Variants in KIF11 observed in about 807,000 individuals in gnomAD.
The protein encoded by KIF11 is kinesin-like protein KIF11.
Under a neutral mutation model 121.0 loss-of-function variants are expected in KIF11, and 9 were observed. The observed-to-expected ratio is 0.07, with a 90% CI of 0.04 to 0.13. KIF11 has a LOEUF of 0.13. Ranked by LOEUF, KIF11 falls within the 10% of genes least tolerant of loss-of-function variation. The pLI, the probability that KIF11 is intolerant of heterozygous loss-of-function variation, is 1.00. For missense variants in KIF11, 846 were observed against 1,217.5 expected (o/e 0.69, Z 4.54); for synonymous variants, 408 against 421.0 (o/e 0.97, Z 0.38).
intron 20 of KIF11, among the ~76,000 whole-genome samples, chr10:92,650,198 T>A (rs1844966042): frequency 6.6e-6 from 1 of 152,248 alleles, no homozygotes; most frequent in Non-Finnish European, 1.5e-5. Flanking sequence ...TTGTGCTTAG[T>A]AACATTGTTA....
chr10:92,632,928 G>C (rs1017539073), intron 13 of KIF11, among the ~76,000 whole-genome samples: 1 of 146,192 alleles, frequency 6.8e-6, no homozygotes, highest in African/African-American at 2.5e-5. Flanking sequence ...AAGTAACTAA[G>C]TATATAAACG....
At chr10:92,621,794 G>C (rs779715483) in intron 10 of KIF11, among the ~76,000 whole-genome samples, 7 of 152,036 alleles carry the variant, frequency 4.6e-5, no homozygotes, top group Non-Finnish European at 8.8e-5. Context: ...GTAGAGACAG[G>C]GTTTCACCAT....
At position 92,593,338 on chromosome 10, in the gene KIF11, G is replaced by A; in HGVS notation, c.-38G>A. On this transcript the variant is annotated 5_prime_UTR_variant, in exon 1 of 22. Coordinates refer to ENST00000260731, the MANE Select transcript of KIF11 (RefSeq NM_004523.4). ...CCCCTCCGCCCCTCACAGCGCCCAG[G>A]TCCGCGGCCGGGCCTTGATTTTTTG... 6.3e-7 allele frequency: 1 copy of A among 1,581,778 alleles called. No individual in the cohort carries two copies.
rs1163769827 is a variant in KIF11, at chr10:92,613,888, A to T, written c.1032+269A>T. Among the ~76,000 whole-genome samples, 1 of 151,630 alleles carries T rather than the reference A, an allele frequency of 6.6e-6. No homozygotes were observed. Among genetic ancestry groups the T allele is most frequent in the Non-Finnish European group, 1.5e-5 (1 of 67,968 alleles). On this transcript the variant is annotated intron_variant, in intron 8 of 21. Transcript: ENST00000260731. The surrounding 1 kb of genome is among the most constrained non-coding windows in gnomAD (Gnocchi z 4.2). Reference sequence around the variant, plus strand: ...CTACTTGGGGGGCTGAGGTGGGAGGATCACTTAAGCCTGGGAGGCAGAAGT... The same window carrying T: ...CTACTTGGGGGGCTGAGGTGGGAGGTTCACTTAAGCCTGGGAGGCAGAAGT...
chr10:92,599,769 C>T (rs1844345810), intron 1 of KIF11, among the ~76,000 whole-genome samples: 1 of 147,148 alleles, frequency 6.8e-6, no homozygotes, highest in African/African-American at 2.5e-5. Flanking sequence ...TCTCCTGCCT[C>T]AGCCTCCCGA....
intron 9 of KIF11, among the ~76,000 whole-genome samples, chr10:92,619,007 C>G (rs1844591035): frequency 1.3e-5 from 2 of 151,130 alleles, no homozygotes; most frequent in Admixed American, 1.3e-4. Flanking sequence ...TTGAGATTGC[C>G]TTATTTATTT....
Position 92,633,804 on chromosome 10 carries a change from A to T in KIF11, c.1875+9A>T, listed in dbSNP as rs1377638074. The T allele has an allele frequency of 6.6e-7, 1 of 1,522,256 alleles. No homozygotes were observed. The highest frequency in any genetic ancestry group is 2.0e-5 in the Admixed American group (1 of 50,036). The allele number at this position is 1,522,256 out of a possible 1,614,324, so 94.3% of individuals were successfully genotyped here. On this transcript the variant is annotated intron_variant, in intron 14 of 21. Coordinates refer to ENST00000260731, the MANE Select transcript of KIF11 (RefSeq NM_004523.4). ...TACTACAGGAATTGATTGTTAGTAC[A>T]TCCTTTAAAATATTTTTGAAGGGTT...
intron 8 of KIF11, among the ~76,000 whole-genome samples, chr10:92,615,232 C>T (rs1236975804): frequency 6.6e-6 from 1 of 151,952 alleles, no homozygotes; most frequent in African/African-American, 2.4e-5. Context: ...GGTGAAACCC[C>T]ATCTCTACTA....
rs143492319 is a variant in KIF11 at position 92,615,141 on chromosome 10, C to T, written c.1032+1522C>T. 8.6e-3 allele frequency among the ~76,000 whole-genome samples: 1,313 copies of T among 152,144 alleles called. 19 individuals are homozygous for T. Among genetic ancestry groups the T allele is most frequent in the African/African-American group, 0.03 (1,248 of 41,520 alleles). ...TTTTTAGGCCAGGCACGGTGGCTTA[C>T]GCCTGTAATCCCAGCACTTTGGGAG... On this transcript the variant is annotated intron_variant, in intron 8 of 21. Coordinates refer to ENST00000260731, the MANE Select transcript of KIF11 (RefSeq NM_004523.4).
chr10:92,621,626 A>G (rs1844618733), intron 10 of KIF11, among the ~76,000 whole-genome samples, 153 bp downstream of exon 10: 1 of 122,674 alleles, frequency 8.2e-6, no homozygotes, highest in Non-Finnish European at 1.6e-5. Flanking sequence ...TTTTGAGACA[A>G]GGTCTCGCAC....
intron 14 of KIF11, among the ~76,000 whole-genome samples, chr10:92,634,008 G>C (rs1844766858): frequency 6.6e-6 from 1 of 152,084 alleles, no homozygotes; most frequent in South Asian, 2.1e-4. Flanking sequence ...TTTGTTTTGA[G>C]ATGGAGTCTC....
chr10:92,647,600 T>C lies in KIF11; in HGVS notation c.2548-612T>C, dbSNP rs117034411. 5.3e-5 allele frequency among the ~76,000 whole-genome samples: 8 copies of C among 152,298 alleles called. No individual in the cohort carries two copies. The East Asian group carries it at 1.2e-3, about 22-fold the overall frequency. ...GTGTTAACCTTTTTAGATGTGATAG[T>C]GGTCTTAAAGTGCTCTTACCTCTTA... is the stretch of plus-strand genomic sequence containing the variant. On this transcript the variant is annotated intron_variant, in intron 18 of 21. Coordinates refer to ENST00000260731, the MANE Select transcript of KIF11 (RefSeq NM_004523.4).
intron 11 of KIF11, among the ~76,000 whole-genome samples, chr10:92,629,796 T>C (rs1844716634): frequency 6.6e-6 from 1 of 152,076 alleles, no homozygotes; most frequent in African/African-American, 2.4e-5. Context: ...TATTTTTTTG[T>C]AGAGATGGAG....
intron 10 of KIF11, among the ~76,000 whole-genome samples, chr10:92,628,499 G>A (rs1844702068): frequency 6.6e-6 from 1 of 152,158 alleles, no homozygotes; most frequent in Non-Finnish European, 1.5e-5. Flanking sequence ...TCCGTCCTCT[G>A]TTAGCTTTCT....
intron 17 of KIF11, among the ~76,000 whole-genome samples, chr10:92,641,165 A>G (rs553882286): frequency 1.3e-5 from 2 of 152,306 alleles, no homozygotes; most frequent in East Asian, 1.9e-4. Context: ...ATGGTTTAAC[A>G]TTTATATTCA....
At chr10:92,616,950 A>G in intron 9 of KIF11, 118 bp downstream of exon 9, 1 of 568,328 alleles carries the variant, frequency 1.8e-6, no homozygotes, top group East Asian at 3.0e-5. Context: ...AAGGCTTTTT[A>G]TATAGTGATT....
chr10:92,640,517 C>T lies in KIF11; in HGVS notation c.2267+617C>T, dbSNP rs148923972. Among the ~76,000 whole-genome samples the T allele has an allele frequency of 3.4e-3, 512 of 152,236 alleles. 3 individuals are homozygous for T. The highest frequency in any genetic ancestry group is 0.011 in the African/African-American group (470 of 41,532). ...AGTGATCTCAGCTCACTGCAAGCTC[C>T]GCCTTCCAGGCTCACGCCATTCTCC... On this transcript the variant is annotated intron_variant, in intron 17 of 21. Transcript: ENST00000260731.
Position 92,648,290 on chromosome 10 carries a change from C to G in KIF11, c.2626C>G (p.Gln876Glu), listed in dbSNP as rs532957561. The part of the protein sequence containing the change: ...SDGRKAAHEK[Q>E]HNIFLDQMTI... ...TGGACGTAAGGCAGCTCATGAGAAA[C>G]AGCATAACATTTTTCTTGATCAGAT... Residue 876 changes from glutamine (Q) to glutamate (E), a missense_variant, in exon 19 of 22, where the codon CAG (glutamine) becomes GAG (glutamate). Physicochemically the swap from Gln to Glu is conservative, Grantham distance 29. Transcript: ENST00000260731. 6.2e-7 allele frequency: 1 copy of G among 1,613,224 alleles called. No individual in the cohort carries two copies. The highest frequency in any genetic ancestry group is 1.1e-5 in the South Asian group (1 of 91,044).
chr10:92,596,271 G>A (rs968033426), intron 1 of KIF11, among the ~76,000 whole-genome samples: 5 of 152,316 alleles, frequency 3.3e-5, no homozygotes, highest in African/African-American at 9.6e-5. Flanking sequence ...CCTAAGAGCC[G>A]GGATTACAGG....
Sources: gnomAD v4.1 joint callset for allele counts (sites outside exome capture counted in the v4.1 genomes callset) on GRCh38, gnomAD v4.1.1 for gene constraint, Gnocchi (gnomAD v3.1) non-coding constraint, MANE v1.5 for transcripts, NCBI Gene and HGNC (gene_info 2026-07-23, HGNC 2026-07-21) for gene names.